TPST1: variants seen among roughly 807,000 people sequenced by gnomAD.
TPST1 encodes protein-tyrosine sulfotransferase 1.
TPST1 carries 20 observed loss-of-function variants against 34.8 expected under a neutral mutation model. The ratio of observed to expected loss-of-function variants is 0.57; its 90% CI spans 0.40 to 0.84. The LOEUF is 0.84. Among genes scored for constraint, TPST1 ranks in the 40% least tolerant of loss-of-function variants. The pLI is 0.00. For missense variants in TPST1, 353 were observed against 455.5 expected, an observed-to-expected ratio of 0.78 and a Z score of 2.05; for synonymous variants, 152 against 159.4, an observed-to-expected ratio of 0.95 and a Z score of 0.35.
chr7:66,231,046 T>C (rs377489398), intron 1 of TPST1, among the ~76,000 whole-genome samples: 1 of 151,792 alleles, frequency 6.6e-6, no homozygotes, highest in African/African-American at 2.4e-5. Context: ...TTGAGCTAGA[T>C]ACAGAGTGCC....
At chr7:66,235,904 G>A (rs1789902992) in intron 1 of TPST1, among the ~76,000 whole-genome samples, 1 of 152,104 alleles carries the variant, frequency 6.6e-6, no homozygotes, top group Admixed American at 6.6e-5. Context: ...ACGCACAGTT[G>A]CATTCTTTTG....
chr7:66,222,607 T>A (rs1043083718), intron 1 of TPST1, among the ~76,000 whole-genome samples: 1 of 151,906 alleles, frequency 6.6e-6, no homozygotes, highest in Non-Finnish European at 1.5e-5. Flanking sequence ...CAGGGACAGG[T>A]TGACTGAGGA....
intron 2 of TPST1, among the ~76,000 whole-genome samples, chr7:66,262,205 G>T (rs763346097): frequency 6.6e-6 from 1 of 152,168 alleles, no homozygotes; most frequent in Admixed American, 6.5e-5. Flanking sequence ...TGAGGTTTGG[G>T]TGTCATATTC....
rs567499879 is a variant in TPST1 at position 66,221,336 on chromosome 7, C to T, written c.-102+15814C>T. 3.1e-4 allele frequency among the ~76,000 whole-genome samples: 47 copies of T among 152,110 alleles called. No individual in the cohort carries two copies. In the South Asian group the frequency reaches 7.1e-3, roughly 23 times the overall value. On this transcript the variant is annotated intron_variant, in intron 1 of 5. Coordinates refer to ENST00000304842, the MANE Select transcript of TPST1 (RefSeq NM_003596.4). ...AGGGAGATGAAGGAGGAAGAATTGACGGGACTTTACCAGTTACTCATGGAG... is the reference window on the plus strand; with the variant it reads ...AGGGAGATGAAGGAGGAAGAATTGATGGGACTTTACCAGTTACTCATGGAG...
At position 66,334,039 on chromosome 7, in the gene TPST1, A is replaced by G. The variant is rs182902347; in HGVS notation, c.1045-18466A>G. Among the ~76,000 whole-genome samples, 324 of 152,338 alleles carry G rather than the reference A, an allele frequency of 2.1e-3. 2 individuals carry two copies. Among genetic ancestry groups the G allele is most frequent in the African/African-American group, 7.6e-3 (317 of 41,578 alleles). On this transcript the variant is annotated intron_variant, in intron 3 of 5. Transcript: ENST00000304842. ...CAGGGATACAAAAAAGCAAAGGGACAAGAAGCAAGCCAGTTCACCCTGAAC... is the reference window on the plus strand; with the variant it reads ...CAGGGATACAAAAAAGCAAAGGGACGAGAAGCAAGCCAGTTCACCCTGAAC...
intron 3 of TPST1, among the ~76,000 whole-genome samples, chr7:66,341,633 C>T (rs941644661): frequency 6.6e-6 from 1 of 152,154 alleles, no homozygotes; most frequent in African/African-American, 2.4e-5. Context: ...GCTGAGAAAG[C>T]ACACCCATAA....
intron 3 of TPST1, among the ~76,000 whole-genome samples, chr7:66,320,962 G>A (rs1387502919): frequency 6.6e-6 from 1 of 152,142 alleles, no homozygotes; most frequent in Admixed American, 6.5e-5. Context: ...TTTTGACTCT[G>A]TTTTAATGTT....
chr7:66,237,701 G>T (rs138656018), intron 1 of TPST1, among the ~76,000 whole-genome samples: 2 of 152,052 alleles, frequency 1.3e-5, no homozygotes, highest in East Asian at 1.9e-4. Flanking sequence ...TGGGTAACGC[G>T]CATGCCCACT....
chr7:66,305,497 C>G (rs1260471138), intron 3 of TPST1, among the ~76,000 whole-genome samples: 4 of 152,130 alleles, frequency 2.6e-5, no homozygotes, highest in African/African-American at 9.7e-5. Context: ...CAATTTCTTT[C>G]CTTCTTCCAT....
At chr7:66,218,337 C>G (rs1789468365) in intron 1 of TPST1, among the ~76,000 whole-genome samples, 1 of 152,096 alleles carries the variant, frequency 6.6e-6, no homozygotes, top group South Asian at 2.1e-4. Flanking sequence ...CTTTTCTTCT[C>G]TCCTTGCTAA....
chr7:66,296,245 C>T (rs1791190159), intron 3 of TPST1, among the ~76,000 whole-genome samples: 2 of 105,972 alleles, frequency 1.9e-5, no homozygotes, highest in African/African-American at 3.9e-5. Flanking sequence ...AACACCCACC[C>T]TTCCCCCCCC....
intron 1 of TPST1, among the ~76,000 whole-genome samples, chr7:66,223,426 T>C (rs1789585121): frequency 7.9e-6 from 1 of 125,956 alleles, no homozygotes; most frequent in African/African-American, 3.1e-5. Context: ...GCCATTGCAC[T>C]CCAGCCTGGG....
intron 3 of TPST1, among the ~76,000 whole-genome samples, chr7:66,349,801 T>C (rs1792433505): frequency 1.3e-5 from 2 of 151,938 alleles, no homozygotes; most frequent in African/African-American, 4.8e-5. Context: ...GAGAATCTGG[T>C]AAAAACAAAA....
chr7:66,232,642 C>A (rs1562806102), intron 1 of TPST1, among the ~76,000 whole-genome samples: 1 of 152,170 alleles, frequency 6.6e-6, no homozygotes, highest in Non-Finnish European at 1.5e-5. Flanking sequence ...CAGGCATGAG[C>A]CACCGCGCCC....
chr7:66,298,322 A>G (rs967974124), intron 3 of TPST1, among the ~76,000 whole-genome samples: 15 of 152,160 alleles, frequency 9.9e-5, no homozygotes, highest in African/African-American at 3.6e-4. Context: ...TTTAGGATCT[A>G]TATTATTGGG....
intron 2 of TPST1, among the ~76,000 whole-genome samples, chr7:66,281,491 TA>T (rs897491559): frequency 6.6e-6 from 1 of 152,200 alleles, no homozygotes; most frequent in Non-Finnish European, 1.5e-5. Context: ...TTTTTAGTAC[TA>T]ATTCAATTTA....
chr7:66,264,679 C>A (rs1349660579), intron 2 of TPST1, among the ~76,000 whole-genome samples: 3 of 152,068 alleles, frequency 2.0e-5, no homozygotes, highest in Admixed American at 6.5e-5. Context: ...ACAAAAAATT[C>A]TGGAGAGGGG....
At chr7:66,328,194 T>A (rs2116249711) in intron 3 of TPST1, among the ~76,000 whole-genome samples, 1 of 151,846 alleles carries the variant, frequency 6.6e-6, no homozygotes, top group South Asian at 2.1e-4. Flanking sequence ...GCCCAGCTAA[T>A]TTTTGTATTT....
chr7:66,220,999 G>C (rs986718040), intron 1 of TPST1, among the ~76,000 whole-genome samples: 3 of 152,100 alleles, frequency 2.0e-5, no homozygotes, highest in African/African-American at 7.2e-5. Context: ...TGGGTGTGGT[G>C]GCACATGCCT....
Sources: allele counts gnomAD v4.1 joint callset (sites outside exome capture counted in the v4.1 genomes callset), GRCh38; gene constraint gnomAD v4.1.1; transcripts MANE v1.5; gene names NCBI Gene and HGNC (gene_info 2026-07-23, HGNC 2026-07-21).